The following AGPAT3 variants were observed in gnomAD, a reference collection of about 807,000 sequenced individuals.
The protein encoded by AGPAT3 is 1-acylglycerol-3-phosphate O-acyltransferase 3.
A neutral mutation model predicts 47.3 loss-of-function variants in AGPAT3; 5 were observed. That is an observed-to-expected ratio of 0.11 (90% CI 0.06 to 0.22). The LOEUF (loss-of-function observed/expected upper bound fraction) is 0.22, where lower values mean the gene tolerates loss of function less well. AGPAT3 is among the 10% of genes least tolerant of loss of function. The pLI is 1.00. For synonymous variants in AGPAT3, 212 were observed against 208.3 expected (o/e 1.02, Z -0.15); for missense variants, 315 against 493.0 (o/e 0.64, Z 3.42).
At chr21:43,938,316 CTTTTTTT>C (rs57776186) in intron 2 of AGPAT3, among the ~76,000 whole-genome samples, 7 of 70,512 alleles carry the variant, frequency 9.9e-5, no homozygotes, top group South Asian at 1.1e-3. Flanking sequence ...ATCTGCAAAT[CTTTTTTT>C]TTTTTTTTTT....
chr21:43,911,508 C>T (rs1300464547), intron 2 of AGPAT3, among the ~76,000 whole-genome samples: 12 of 152,208 alleles, frequency 7.9e-5, no homozygotes, highest in Non-Finnish European at 1.6e-4. Flanking sequence ...TCTGGGTGAC[C>T]CCGCCTGGCC....
intron 2 of AGPAT3, among the ~76,000 whole-genome samples, chr21:43,913,139 G>C (rs908944070): frequency 7.2e-5 from 11 of 152,172 alleles, no homozygotes; most frequent in Middle Eastern, 3.2e-3. Flanking sequence ...TTTCCTCATA[G>C]CAAACCATCC....
intron 2 of AGPAT3, among the ~76,000 whole-genome samples, chr21:43,907,761 G>A (rs1176457298): frequency 6.6e-6 from 1 of 152,158 alleles, no homozygotes; most frequent in Non-Finnish European, 1.5e-5. Context: ...AGCTTCCTAA[G>A]AGCTTGCGTT....
rs149540161 is a variant in AGPAT3 at position 43,982,419 on chromosome 21, G to A, written c.*27G>A. 2.5e-4 allele frequency: 387 copies of A among 1,544,832 alleles called. No homozygotes were observed. The highest frequency in any genetic ancestry group is 3.2e-4 in the Non-Finnish European group (354 of 1,118,186). On this transcript the variant is annotated 3_prime_UTR_variant, in exon 10 of 10. Coordinates refer to ENST00000291572, the MANE Select transcript of AGPAT3 (RefSeq NM_020132.5). This position sits in a 1 kb window ranked among gnomAD's most constrained non-coding sequence, Gnocchi z 6.2. ...TAATGGCTGTGACTGAACACACGCG[G>A]CCCTGACGGTGGTATCCAGTTAACT...
chr21:43,912,948 T>C (rs1408728881), intron 2 of AGPAT3, among the ~76,000 whole-genome samples: 2 of 152,242 alleles, frequency 1.3e-5, no homozygotes, highest in African/African-American at 4.8e-5. Context: ...GGCCTGTGAA[T>C]GAGCACCTCA....
intron 1 of AGPAT3, among the ~76,000 whole-genome samples, chr21:43,883,884 G>A (rs2085907551): frequency 6.6e-6 from 1 of 152,034 alleles, no homozygotes; most frequent in Admixed American, 6.6e-5. Flanking sequence ...GAGAGCCACT[G>A]TGCCTAGCTA....
At chr21:43,895,271 A>T (rs2086189805) in intron 1 of AGPAT3, among the ~76,000 whole-genome samples, 1 of 151,064 alleles carries the variant, frequency 6.6e-6, no homozygotes, top group South Asian at 2.1e-4. Context: ...TGCCCAGCTA[A>T]TTTTTTTGTA....
Position 43,954,958 on chromosome 21 carries a change from T to C in AGPAT3, c.-48-4676T>C. On this transcript the variant is annotated intron_variant, in intron 2 of 9. Transcript: ENST00000291572. The surrounding 1 kb of genome is among the most constrained non-coding windows in gnomAD (Gnocchi z 4.0). ...GTGATGGACCAGAGACTGGCCGCTT[T>C]GTGACACCGAGGACGGTTGATAAAG... The C allele has an allele frequency of 9.4e-7, 1 of 1,064,068 alleles. No homozygotes were observed. Among genetic ancestry groups the C allele is most frequent in the Non-Finnish European group, 1.2e-6 (1 of 851,566 alleles). The allele number at this position is 1,064,068 out of a possible 1,614,324, so 65.9% of individuals were successfully genotyped here. A position where few individuals can be genotyped will look rare whatever the true frequency, so the allele number is the denominator to read the frequency against.
At chr21:43,882,648 C>T (rs1450770137) in intron 1 of AGPAT3, 1 of 152,330 alleles carries the variant, frequency 6.6e-6, no homozygotes, top group Non-Finnish European at 1.5e-5. Flanking sequence ...TTCAGCCCCC[C>T]TCTAAGAACC....
intron 7 of AGPAT3, 95 bp downstream of exon 7, chr21:43,971,585 C>T (rs549628824): frequency 2.6e-5 from 29 of 1,129,608 alleles, no homozygotes; most frequent in Admixed American, 5.5e-5. Flanking sequence ...CCAGGCCCCA[C>T]GTCCCACAGC....
At chr21:43,871,373 T>G (rs1255107555) in intron 1 of AGPAT3, among the ~76,000 whole-genome samples, 6 of 152,236 alleles carry the variant, frequency 3.9e-5, no homozygotes, top group Non-Finnish European at 7.4e-5. Context: ...ACAACGTAAC[T>G]CCACGTGTCT....
At chr21:43,889,614 T>G (rs1486976692) in intron 1 of AGPAT3, among the ~76,000 whole-genome samples, 1 of 152,234 alleles carries the variant, frequency 6.6e-6, no homozygotes, top group Non-Finnish European at 1.5e-5. Context: ...ACACATTTTT[T>G]GATTTCCCAG....
chr21:43,876,525 C>T (rs1401321884), intron 1 of AGPAT3, among the ~76,000 whole-genome samples: 1 of 152,194 alleles, frequency 6.6e-6, no homozygotes, highest in East Asian at 1.9e-4. Flanking sequence ...ATTTCCTGGG[C>T]TCACAAAGGG....
At chr21:43,889,425 C>G (rs1451230209) in intron 1 of AGPAT3, among the ~76,000 whole-genome samples, 1 of 152,014 alleles carries the variant, frequency 6.6e-6, no homozygotes, top group Admixed American at 6.6e-5. Flanking sequence ...TGGCTTTCCC[C>G]TTTTGATTTG....
At chr21:43,966,610 A>G (rs1378050783) in intron 3 of AGPAT3, 1 of 152,126 alleles carries the variant, frequency 6.6e-6, no homozygotes, top group Non-Finnish European at 1.5e-5. Context: ...ACTTCCCTGC[A>G]CCTGCACGCT....
At chr21:43,881,677 A>G (rs1358687953) in intron 1 of AGPAT3, among the ~76,000 whole-genome samples, 3 of 151,684 alleles carry the variant, frequency 2.0e-5, no homozygotes, top group South Asian at 2.1e-4. Context: ...TTTTTTTTAG[A>G]TGGAGTTTTG....
At chr21:43,924,677 G>A (rs1221372363) in intron 2 of AGPAT3, among the ~76,000 whole-genome samples, 2 of 152,316 alleles carry the variant, frequency 1.3e-5, no homozygotes, top group Admixed American at 6.5e-5. Context: ...CGCTGGTCTC[G>A]AGATGGCTGC....
chr21:43,909,200 G>A (rs1215053975), intron 2 of AGPAT3, among the ~76,000 whole-genome samples: 1 of 152,216 alleles, frequency 6.6e-6, no homozygotes, highest in African/African-American at 2.4e-5. Flanking sequence ...CACTTGGTGT[G>A]GCTTCCTCGG....
intron 1 of AGPAT3, among the ~76,000 whole-genome samples, chr21:43,887,735 A>G (rs909311914): frequency 5.3e-5 from 8 of 152,196 alleles, no homozygotes; most frequent in African/African-American, 1.9e-4. Flanking sequence ...GCTCACCGCA[A>G]CCTCCACCTC....
Sources: allele counts gnomAD v4.1 joint callset (sites outside exome capture counted in the v4.1 genomes callset), GRCh38; gene constraint gnomAD v4.1.1; non-coding constraint Gnocchi (gnomAD v3.1); transcripts MANE v1.5; gene names NCBI Gene and HGNC (gene_info 2026-07-23, HGNC 2026-07-21).